ARSK: variants seen among roughly 807,000 people sequenced by gnomAD.
The protein encoded by ARSK is arylsulfatase K.
A neutral mutation model predicts 53.2 loss-of-function variants in ARSK; 37 were observed. That is an observed-to-expected ratio of 0.70 (90% confidence interval 0.54 to 0.92). ARSK has a LOEUF of 0.92. Among genes scored for constraint, ARSK ranks in the 40% least tolerant of loss-of-function variants. The pLI, the probability that ARSK is intolerant of heterozygous loss-of-function variation, is 0.00. For missense variants in ARSK, 613 were observed against 643.0 expected (o/e 0.95, Z 0.51); for synonymous variants, 208 against 223.2 (o/e 0.93, Z 0.61).
chr5:95,603,220 T>C lies in ARSK; in HGVS notation c.1322-17T>C. ...GCAGGTCACTATTTTGACAGATACTTATTTTTTTTCTTTCAGATCTTTCCT... is the reference window on the plus strand; with the variant it reads ...GCAGGTCACTATTTTGACAGATACTCATTTTTTTTCTTTCAGATCTTTCCT... On this transcript the variant is annotated splice_polypyrimidine_tract_variant and intron_variant, in intron 7 of 7. Coordinates refer to ENST00000380009, the MANE Select transcript of ARSK (RefSeq NM_198150.3). 1 of 1,527,136 alleles carries C rather than the reference T, an allele frequency of 6.5e-7. No homozygotes were observed. Among genetic ancestry groups the C allele is most frequent in the Non-Finnish European group, 8.8e-7 (1 of 1,140,492 alleles). The allele number at this position is 1,527,136 out of a possible 1,614,324, so 94.6% of individuals were successfully genotyped here. A position where few individuals can be genotyped will look rare whatever the true frequency, so the allele number is the denominator to read the frequency against.
At position 95,586,633 on chromosome 5, in the gene ARSK, T is replaced by C. The variant is rs376096151; in HGVS notation, c.771T>C (p.Ser257=). ...LSEMHPVDYY[S]SYTKNCTGRF... is the part of the protein sequence containing the mutation. ...AAATGCACCCTGTAGATTATTACTC[T>C]TCTTATACAAAAAACTGCACTGGAA... Residue 257 remains serine (S), a synonymous_variant, in exon 5 of 8, where the codon TCT becomes TCC. Coordinates refer to ENST00000380009, the MANE Select transcript of ARSK (RefSeq NM_198150.3). 2.9e-5 allele frequency: 47 copies of C among 1,611,662 alleles called. No homozygotes were observed. Among genetic ancestry groups the C allele is most frequent in the Non-Finnish European group, 3.7e-5 (44 of 1,178,788 alleles).
intron 3 of ARSK, among the ~76,000 whole-genome samples, chr5:95,579,033 C>G (rs1417718170): frequency 6.6e-6 from 1 of 152,142 alleles, no homozygotes; most frequent in Non-Finnish European, 1.5e-5. Context: ...TGGCTATCAC[C>G]TGTTTTCTGG....
intron 4 of ARSK, among the ~76,000 whole-genome samples, chr5:95,583,871 A>G (rs1160603177): frequency 6.6e-6 from 1 of 152,174 alleles, no homozygotes; most frequent in Non-Finnish European, 1.5e-5. Flanking sequence ...ATGTAATGAT[A>G]TATCTCCAAG....
chr5:95,586,668 A>G lies in ARSK; in HGVS notation c.806A>G (p.Lys269Arg). The G allele has an allele frequency of 6.2e-7, 1 of 1,612,216 alleles. No homozygotes were observed. The highest frequency in any genetic ancestry group is 8.5e-7 in the Non-Finnish European group (1 of 1,178,826). ...YTKNCTGRFT[K>R]KEIKNIRAFY... ...AAAAACTGCACTGGAAGATTTACAA[A>G]AAAAGAAATTAAGAATATTAGAGCA... The change falls in exon 5 of 8, where the codon AAA becomes AGA. Residue 269 changes from lysine (K) to arginine (R), a missense_variant. Lys to Arg is a conservative substitution (Grantham distance 26, BLOSUM62 2). Transcript: ENST00000380009.
intron 1 of ARSK, among the ~76,000 whole-genome samples, chr5:95,563,156 A>G (rs1161615385): frequency 6.6e-6 from 1 of 152,224 alleles, no homozygotes; most frequent in African/African-American, 2.4e-5. Flanking sequence ...AAACTTCTAG[A>G]AAATTTTTAA....
intron 3 of ARSK, 67 bp downstream of exon 3, chr5:95,568,116 T>C (rs541811317): frequency 1.4e-6 from 2 of 1,448,000 alleles, no homozygotes; most frequent in South Asian, 3.1e-5. Context: ...GTACTCTTTT[T>C]GACTTTAATT....
At chr5:95,595,390 A>G (rs1749290979) in intron 6 of ARSK, among the ~76,000 whole-genome samples, 1 of 152,238 alleles carries the variant, frequency 6.6e-6, no homozygotes, top group African/African-American at 2.4e-5. Context: ...TTGCAGCACT[A>G]TTCACAATAG....
intron 3 of ARSK, among the ~76,000 whole-genome samples, chr5:95,575,529 T>C (rs1440754122): frequency 6.6e-6 from 1 of 152,216 alleles, no homozygotes; most frequent in African/African-American, 2.4e-5. Context: ...TTTCAGTTTT[T>C]TATGTCTTCT....
At chr5:95,581,762 G>T (rs556153930) in intron 3 of ARSK, among the ~76,000 whole-genome samples, 1 of 152,046 alleles carries the variant, frequency 6.6e-6, no homozygotes, top group Non-Finnish European at 1.5e-5. Context: ...AAAATGAGAC[G>T]CCAGTGTCAG....
At chr5:95,601,321 G>C (rs763580802) in intron 7 of ARSK, among the ~76,000 whole-genome samples, 2 of 152,142 alleles carry the variant, frequency 1.3e-5, no homozygotes, top group Non-Finnish European at 2.9e-5. Flanking sequence ...TCTGATCAGG[G>C]CATCTTTCAG....
At chr5:95,572,210 C>T (rs1235739936) in intron 3 of ARSK, among the ~76,000 whole-genome samples, 1 of 152,096 alleles carries the variant, frequency 6.6e-6, no homozygotes, top group Non-Finnish European at 1.5e-5. Flanking sequence ...TTCATCTGGA[C>T]AGTTGTTAAA....
chr5:95,565,757 G>T (rs1012503353), intron 1 of ARSK, among the ~76,000 whole-genome samples: 5 of 152,030 alleles, frequency 3.3e-5, no homozygotes, highest in African/African-American at 1.2e-4. Flanking sequence ...TCCCCCAAAA[G>T]AACATTCCAG....
In ARSK at chr5:95,591,367, AG is replaced by A. The variant is rs757054347; in HGVS notation, c.872-33del. 3.3e-6 allele frequency: 5 copies of A among 1,536,226 alleles called. No homozygotes were observed. The East Asian group carries it at 1.1e-4, about 35-fold the overall frequency. ...GTGATAGAATAAAACATGAACTGAA[AG>A]TTTTAATCGGTTTATCATGATTTCT... is the stretch of plus-strand genomic sequence containing the variant. On this transcript the variant is annotated intron_variant, in intron 5 of 7. Transcript: ENST00000380009.
intron 7 of ARSK, 124 bp downstream of exon 7, chr5:95,601,195 A>C (rs879579145): frequency 5.2e-5 from 50 of 966,316 alleles, no homozygotes; most frequent in Non-Finnish European, 7.2e-5. Context: ...TCATGCTAGG[A>C]CGATCTACAA....
chr5:95,562,027 C>T (rs1490367679), intron 1 of ARSK, among the ~76,000 whole-genome samples: 1 of 152,070 alleles, frequency 6.6e-6, no homozygotes. Flanking sequence ...CCAGCCTGGC[C>T]AACATGGTGA....
At position 95,555,242 on chromosome 5, in the gene ARSK, C is replaced by T. The variant is rs778143666; in HGVS notation, c.-37C>T. 6.4e-7 allele frequency: 1 copy of T among 1,553,934 alleles called. No homozygotes were observed. The highest frequency in any genetic ancestry group is 8.7e-7 in the Non-Finnish European group (1 of 1,150,734). On this transcript the variant is annotated 5_prime_UTR_variant, in exon 1 of 8. Transcript: ENST00000380009. The surrounding 1 kb of genome is among the most constrained non-coding windows in gnomAD (Gnocchi z 4.0). ...GGGAGAGAACGCCAGAGGGAGGCGG[C>T]TGGCCCGGCGGCAGGCTCTCAGAAC...
At chr5:95,582,206 T>A (rs1749031468) in intron 3 of ARSK, among the ~76,000 whole-genome samples, 1 of 152,104 alleles carries the variant, frequency 6.6e-6, no homozygotes, top group Non-Finnish European at 1.5e-5. Flanking sequence ...TCTCACCAAT[T>A]ATGTCAGCTA....
chr5:95,589,350 A>G (rs889045767), intron 5 of ARSK, among the ~76,000 whole-genome samples: 8 of 152,178 alleles, frequency 5.3e-5, no homozygotes, highest in Admixed American at 4.6e-4. Flanking sequence ...ACGTGTGCAT[A>G]GGTAAAAGGT....
chr5:95,586,571 G>A lies in ARSK; in HGVS notation c.709G>A (p.Asp237Asn), dbSNP rs761684946. ...SLYWLEKVSH[D>N]AIKIPKWSPL... ...TTTCTCCCCTTTTTAGGTGTCTCATGATGCCATCAAAATCCCAAAGTGGTC... is the reference window on the plus strand; with the variant it reads ...TTTCTCCCCTTTTTAGGTGTCTCATAATGCCATCAAAATCCCAAAGTGGTC... The change falls in exon 5 of 8, where the codon GAT becomes AAT. Residue 237 changes from aspartate to asparagine, a missense_variant. Asp to Asn is a conservative substitution (Grantham distance 23). Transcript: ENST00000380009. 1.2e-6 allele frequency: 2 copies of A among 1,611,530 alleles called. No individual in the cohort carries two copies. The highest frequency in any genetic ancestry group is 1.7e-6 in the Non-Finnish European group (2 of 1,179,148).
Sources: allele counts gnomAD v4.1 joint callset (sites outside exome capture counted in the v4.1 genomes callset), GRCh38; gene constraint gnomAD v4.1.1; non-coding constraint Gnocchi (gnomAD v3.1); transcripts MANE v1.5; gene names NCBI Gene and HGNC (gene_info 2026-07-23, HGNC 2026-07-21).